ZBTB40: variants seen among roughly 807,000 people sequenced by gnomAD.
The protein encoded by ZBTB40 is zinc finger and BTB domain containing 40.
A neutral mutation model predicts 117.5 loss-of-function variants in ZBTB40; 60 were observed. That is an observed-to-expected ratio of 0.51 (90% CI 0.41 to 0.63). ZBTB40 has a LOEUF of 0.63. ZBTB40 is among the 30% of genes least tolerant of loss of function. The pLI, the probability that ZBTB40 is intolerant of heterozygous loss-of-function variation, is 0.00. For synonymous variants in ZBTB40, 525 were observed against 577.1 expected (o/e 0.91, Z 1.29); for missense variants, 1,287 against 1,498.5 (o/e 0.86, Z 2.33).
At chr1:22,480,263 A>G (rs1264257911) in intron 1 of ZBTB40, among the ~76,000 whole-genome samples, 3 of 152,000 alleles carry the variant, frequency 2.0e-5, no homozygotes, top group Non-Finnish European at 4.4e-5. Flanking sequence ...CTTTGCAAAT[A>G]TCTGCCATTT....
At chr1:22,474,106 T>C (rs1641498318) in intron 1 of ZBTB40, among the ~76,000 whole-genome samples, 1 of 152,198 alleles carries the variant, frequency 6.6e-6, no homozygotes, top group African/African-American at 2.4e-5. Context: ...CTTCAGAATC[T>C]TCAGTGCTGG....
At chr1:22,491,615 T>C (rs896895898) in intron 3 of ZBTB40, 82 bp downstream of exon 3, 1 of 1,456,624 alleles carries the variant, frequency 6.9e-7, no homozygotes, top group African/African-American at 1.4e-5. Flanking sequence ...GGGGCAGAAA[T>C]AGCCCAGGGT....
At chr1:22,430,031 GTTTTTGATAAAGTTC>G (rs1169480514) in intron 1 of ZBTB40, among the ~76,000 whole-genome samples, 1 of 152,206 alleles carries the variant, frequency 6.6e-6, no homozygotes, top group Non-Finnish European at 1.5e-5. Context: ...TCTGCTGTAA[GTTTTTGATAAAGTTC>G]TTTTATCTAA....
rs545717117 is a variant in ZBTB40 at position 22,505,993 on chromosome 1, C to T, written c.1168-56C>T. The T allele has an allele frequency of 3.1e-6, 5 of 1,587,720 alleles. No individual in the cohort carries two copies. In the African/African-American group the frequency reaches 6.7e-5, roughly 21 times the overall value. On this transcript the variant is annotated intron_variant, in intron 5 of 17. Coordinates refer to ENST00000375647, the MANE Select transcript of ZBTB40 (RefSeq NM_014870.4). ...CTTGCTAGGTTTTCCAGTAGTGTGTCAGATAAATGTTGAATTGCCAGTAAC... is the reference window on the plus strand; with the variant it reads ...CTTGCTAGGTTTTCCAGTAGTGTGTTAGATAAATGTTGAATTGCCAGTAAC...
chr1:22,461,860 C>G (rs1034705912), intron 1 of ZBTB40, among the ~76,000 whole-genome samples: 1 of 152,202 alleles, frequency 6.6e-6, no homozygotes, highest in East Asian at 1.9e-4. Flanking sequence ...TAAGGTCATT[C>G]GGCTGAGCTC....
chr1:22,456,639 A>T (rs1294377314), intron 1 of ZBTB40, among the ~76,000 whole-genome samples: 2 of 152,224 alleles, frequency 1.3e-5, no homozygotes, highest in Admixed American at 1.3e-4. Context: ...CCCTGAAACC[A>T]GGTACTGTTT....
chr1:22,521,582 A>G lies in ZBTB40; in HGVS notation c.3135A>G (p.Ser1045=), dbSNP rs573887941. 92 of 1,613,848 alleles carry G rather than the reference A, an allele frequency of 5.7e-5. No homozygotes were observed. Among genetic ancestry groups the G allele is most frequent in the Admixed American group, 1.2e-4 (7 of 60,002 alleles). The stretch of plus-strand genomic sequence containing the variant: ...ACCACCGATCTTCCAAGTTCTCATC[A>G]CTCCAGTGCAGCTCCTGTGACAAAA... ...AQNHRSSKFS[S]LQCSSCDKTF... Residue 1045 remains serine (S), a synonymous_variant, in exon 15 of 18, where the codon TCA becomes TCG. Coordinates refer to ENST00000375647, the MANE Select transcript of ZBTB40 (RefSeq NM_014870.4).
chr1:22,485,609 A>G (rs1199714435), intron 1 of ZBTB40, among the ~76,000 whole-genome samples: 3 of 152,040 alleles, frequency 2.0e-5, no homozygotes, highest in Non-Finnish European at 4.4e-5. Context: ...GTCTGTCATT[A>G]ATTTGGGGAA....
chr1:22,508,818 G>A, intron 8 of ZBTB40, 87 bp downstream of exon 8: 1 of 1,375,948 alleles, frequency 7.3e-7, no homozygotes, highest in Non-Finnish European at 1.0e-6. Flanking sequence ...TCTCTTAACG[G>A]TAGTCACCTA....
chr1:22,525,019 T>C (rs1164264896), intron 17 of ZBTB40, among the ~76,000 whole-genome samples: 1 of 152,120 alleles, frequency 6.6e-6, no homozygotes, highest in Non-Finnish European at 1.5e-5. Flanking sequence ...TCGTCAGTAA[T>C]TTGTGGGTGG....
In ZBTB40 at chr1:22,508,048, C is replaced by G; in HGVS notation, c.1408C>G (p.His470Asp). The G allele has an allele frequency of 1.2e-6, 2 of 1,614,140 alleles. No individual in the cohort carries two copies. The highest frequency in any genetic ancestry group is 1.7e-6 in the Non-Finnish European group (2 of 1,180,038). ...DYGTELLRRY[H>D]ENLSEIFTDN... ...TGGGACTGAGCTATTGAGACGCTAT[C>G]ATGAAAACCTCTCTGAGATTTTCAC... The change falls in exon 7 of 18, where the codon CAT becomes GAT. Residue 470 changes from histidine to aspartate, a missense_variant. By Grantham distance (81) the His-to-Asp change is moderately conservative. Transcript: ENST00000375647.
intron 9 of ZBTB40, among the ~76,000 whole-genome samples, chr1:22,509,849 C>G (rs1639184273): frequency 6.6e-6 from 1 of 152,202 alleles, no homozygotes; most frequent in Non-Finnish European, 1.5e-5. Flanking sequence ...TCCTATGACT[C>G]AAACCAATTT....
At chr1:22,506,307 C>G (rs998857867) in intron 6 of ZBTB40, 66 bp downstream of exon 6, 1 of 1,492,832 alleles carries the variant, frequency 6.7e-7, no homozygotes, top group African/African-American at 1.4e-5. Context: ...CTTGAAACAC[C>G]CTTTTGGCTC....
chr1:22,516,024 A>G (rs1639365188), intron 12 of ZBTB40, among the ~76,000 whole-genome samples: 1 of 152,202 alleles, frequency 6.6e-6, no homozygotes, highest in Non-Finnish European at 1.5e-5. Context: ...TTTAGGATAT[A>G]TTTTTGAAAA....
At chr1:22,457,082 G>A (rs1016303903) in intron 1 of ZBTB40, among the ~76,000 whole-genome samples, 5 of 151,972 alleles carry the variant, frequency 3.3e-5, no homozygotes, top group Non-Finnish European at 7.4e-5. Flanking sequence ...GCTGCAGTGA[G>A]CTGTGATCAG....
chr1:22,509,440 G>A (rs953570973), intron 9 of ZBTB40, among the ~76,000 whole-genome samples: 4 of 152,092 alleles, frequency 2.6e-5, no homozygotes, highest in East Asian at 1.9e-4. Flanking sequence ...TCTGCCTTCC[G>A]GGTTCAAGCG....
intron 1 of ZBTB40, among the ~76,000 whole-genome samples, chr1:22,478,862 C>T (rs1569812873): frequency 6.6e-6 from 1 of 152,108 alleles, no homozygotes; most frequent in African/African-American, 2.4e-5. Flanking sequence ...CAAATATCTA[C>T]TCTTGTAACC....
At chr1:22,480,504 T>C (rs1048091211) in intron 1 of ZBTB40, among the ~76,000 whole-genome samples, 17 of 152,070 alleles carry the variant, frequency 1.1e-4, no homozygotes, top group African/African-American at 4.1e-4. Context: ...GTGTCGTTGT[T>C]GTTGTTGTTG....
intron 1 of ZBTB40, among the ~76,000 whole-genome samples, chr1:22,460,317 A>G (rs1448096236): frequency 2.0e-5 from 3 of 152,198 alleles, no homozygotes; most frequent in South Asian, 2.1e-4. Context: ...TCACTGGGTC[A>G]TAGTACTTGG....
Sources: allele counts gnomAD v4.1 joint callset (sites outside exome capture counted in the v4.1 genomes callset), GRCh38; gene constraint gnomAD v4.1.1; transcripts MANE v1.5; gene names NCBI Gene and HGNC (gene_info 2026-07-23, HGNC 2026-07-21).